The following SMARCAD1 variants were observed in gnomAD, a reference collection of about 807,000 sequenced individuals.
SMARCAD1 encodes SWI/SNF-related matrix-associated actin-dependent regulator of chromatin subfamily A containing DEAD/H box 1.
A neutral mutation model predicts 127.1 loss-of-function variants in SMARCAD1; 25 were observed. The observed-to-expected ratio is 0.20, with a 90% CI of 0.14 to 0.27. SMARCAD1 has a LOEUF of 0.27. Among genes scored for constraint, SMARCAD1 ranks in the 10% least tolerant of loss-of-function variants. SMARCAD1 has a pLI of 1.00. For synonymous variants in SMARCAD1, 400 were observed against 396.9 expected, an observed-to-expected ratio of 1.01 and a Z score of -0.09; for missense variants, 807 against 1,206.0, an observed-to-expected ratio of 0.67 and a Z score of 4.90.
At chr4:94,213,603 A>G (rs1742645528) in intron 2 of SMARCAD1, among the ~76,000 whole-genome samples, 1 of 150,660 alleles carries the variant, frequency 6.6e-6, no homozygotes, top group Non-Finnish European at 1.5e-5. Context: ...TGAAGCCTCA[A>G]TGTAGGGAAA....
intron 11 of SMARCAD1, 124 bp from the exon 12 acceptor site, chr4:94,273,493 A>G (rs1752836784): frequency 4.3e-6 from 3 of 696,508 alleles, no homozygotes; most frequent in Non-Finnish European, 7.4e-6. Flanking sequence ...AAATTCCTTT[A>G]GAGTTGCATT....
chr4:94,229,889 T>G (rs1287381714), intron 3 of SMARCAD1, among the ~76,000 whole-genome samples: 3 of 151,968 alleles, frequency 2.0e-5, no homozygotes, highest in African/African-American at 4.8e-5. Flanking sequence ...CATTCTGTTT[T>G]CTTCTGACAG....
intron 22 of SMARCAD1, 61 bp from the exon 23 acceptor site, chr4:94,284,899 T>C (rs540275689): frequency 1.0e-6 from 1 of 1,004,462 alleles, no homozygotes. Context: ...TAAATATAGT[T>C]TACATATATC....
intron 2 of SMARCAD1, among the ~76,000 whole-genome samples, chr4:94,222,101 G>C (rs1744233231): frequency 6.6e-6 from 1 of 152,184 alleles, no homozygotes; most frequent in Non-Finnish European, 1.5e-5. Context: ...CTGGTACGGA[G>C]AGGGTACCCC....
At chr4:94,285,808 A>AT (rs1301933442) in intron 23 of SMARCAD1, among the ~76,000 whole-genome samples, 4 of 152,308 alleles carry the variant, frequency 2.6e-5, no homozygotes, top group South Asian at 4.1e-4. Context: ...AAGAGTAAGG[A>AT]TAAGTAGAGT....
chr4:94,278,217 C>G (rs1753567994), intron 16 of SMARCAD1, among the ~76,000 whole-genome samples: 1 of 152,104 alleles, frequency 6.6e-6, no homozygotes, highest in Non-Finnish European at 1.5e-5. Context: ...GATTACGTAT[C>G]ATAAAACTTC....
intron 3 of SMARCAD1, among the ~76,000 whole-genome samples, chr4:94,227,415 G>T (rs1344810236): frequency 6.6e-6 from 1 of 152,150 alleles, no homozygotes; most frequent in African/African-American, 2.4e-5. Flanking sequence ...AGTAGTAAAA[G>T]CATAAATATT....
At chr4:94,227,388 A>G (rs1183935867) in intron 3 of SMARCAD1, among the ~76,000 whole-genome samples, 1 of 152,184 alleles carries the variant, frequency 6.6e-6, no homozygotes, top group Non-Finnish European at 1.5e-5. Context: ...AAAAGGTCTT[A>G]ATGACTGTGA....
At chr4:94,209,944 C>T (rs965386905) in intron 2 of SMARCAD1, among the ~76,000 whole-genome samples, 2 of 152,204 alleles carry the variant, frequency 1.3e-5, no homozygotes, top group African/African-American at 2.4e-5. Flanking sequence ...GAAGCTTCTG[C>T]TTCTTCATTT....
At chr4:94,289,411 G>A in intron 23 of SMARCAD1, 62 bp from the exon 24 acceptor site, 1 of 1,426,784 alleles carries the variant, frequency 7.0e-7, no homozygotes, top group Non-Finnish European at 9.8e-7. Flanking sequence ...AAATAATTGA[G>A]ACAATTTTTT....
intron 23 of SMARCAD1, among the ~76,000 whole-genome samples, chr4:94,288,504 G>C (rs753935390): frequency 4.8e-4 from 73 of 152,118 alleles, no homozygotes; most frequent in Non-Finnish European, 1.5e-4. Flanking sequence ...AAGGATGTCA[G>C]TGAACTGACA....
chr4:94,278,056 A>T (rs1361756029), intron 16 of SMARCAD1, among the ~76,000 whole-genome samples: 1 of 152,178 alleles, frequency 6.6e-6, no homozygotes, highest in Non-Finnish European at 1.5e-5. Context: ...AAAGAAATAA[A>T]GGATTTTCTA....
intron 2 of SMARCAD1, among the ~76,000 whole-genome samples, chr4:94,225,472 G>T (rs763856519): frequency 6.6e-6 from 1 of 152,060 alleles, no homozygotes; most frequent in Non-Finnish European, 1.5e-5. Flanking sequence ...GTCACAAAGA[G>T]TAGGGCCCAC....
At chr4:94,284,349 A>AG (rs1285365691) in intron 22 of SMARCAD1, among the ~76,000 whole-genome samples, 3 of 99,966 alleles carry the variant, frequency 3.0e-5, no homozygotes, top group Non-Finnish European at 6.9e-5. Flanking sequence ...AAAAAAAAAA[A>AG]AAAAGAAAAA....
chr4:94,212,764 G>A (rs1195437069), intron 2 of SMARCAD1, among the ~76,000 whole-genome samples: 1 of 152,172 alleles, frequency 6.6e-6, no homozygotes, highest in Non-Finnish European at 1.5e-5. Flanking sequence ...TGGGATTACA[G>A]ACATGAGCCA....
At chr4:94,226,443 T>A (rs1745016405) in intron 3 of SMARCAD1, 147 bp downstream of exon 3, 1 of 623,282 alleles carries the variant, frequency 1.6e-6, no homozygotes, top group Admixed American at 3.0e-5. Flanking sequence ...GGCCACATCT[T>A]GGTTATTTTC....
intron 10 of SMARCAD1, among the ~76,000 whole-genome samples, chr4:94,269,286 TC>T (rs1258150136): frequency 6.6e-6 from 1 of 152,124 alleles, no homozygotes; most frequent in African/African-American, 2.4e-5. Flanking sequence ...TCCAGACCCT[TC>T]CCTGTGTGCA....
intron 14 of SMARCAD1, 36 bp from the exon 15 acceptor site, chr4:94,276,297 TTAAAGG>T: frequency 6.2e-7 from 1 of 1,611,734 alleles, no homozygotes; most frequent in South Asian, 1.1e-5. Flanking sequence ...CTCCAAGCTC[TTAAAGG>T]TATAACCTTA....
At chr4:94,220,920 A>G (rs2125817930) in intron 2 of SMARCAD1, among the ~76,000 whole-genome samples, 1 of 152,374 alleles carries the variant, frequency 6.6e-6, no homozygotes, top group African/African-American at 2.4e-5. Flanking sequence ...TGCATACCGT[A>G]CAACAGTGAT....
Sources: allele counts gnomAD v4.1 joint callset (sites outside exome capture counted in the v4.1 genomes callset), GRCh38; gene constraint gnomAD v4.1.1; transcripts MANE v1.5; gene names NCBI Gene and HGNC (gene_info 2026-07-23, HGNC 2026-07-21).